PALLD: variants seen among roughly 807,000 people sequenced by gnomAD.
PALLD encodes palladin, cytoskeletal associated protein, also known as palladin.
In PALLD, 61 loss-of-function variants were observed where a neutral mutation model predicts 123.5. That is an observed-to-expected ratio of 0.49 (90% CI 0.40 to 0.61). PALLD has a LOEUF of 0.61. Among genes scored for constraint, PALLD ranks in the 20% least tolerant of loss-of-function variants. The probability of loss-of-function intolerance (pLI) is 0.00; values close to 1 mark genes in which losing one functional copy is unlikely to be tolerated. For missense variants in PALLD, 1,273 were observed against 1,377.0 expected, an observed-to-expected ratio of 0.92 and a Z score of 1.20; for synonymous variants, 465 against 496.4, an observed-to-expected ratio of 0.94 and a Z score of 0.84.
At chr4:168,672,078 C>T (rs1780336509) in intron 3 of PALLD, among the ~76,000 whole-genome samples, 1 of 152,228 alleles carries the variant, frequency 6.6e-6, no homozygotes, top group Non-Finnish European at 1.5e-5. Flanking sequence ...ATTTCATCCT[C>T]ACAAATATCA....
Position 168,688,608 on chromosome 4 carries a change from T to C in PALLD, c.1336-1995T>C, listed in dbSNP as rs145292704. Among the ~76,000 whole-genome samples, 189 of 152,366 alleles carry C rather than the reference T, an allele frequency of 1.2e-3. 1 individual carries two copies. The East Asian group carries it at 0.02, about 16-fold the overall frequency. On this transcript the variant is annotated intron_variant, in intron 6 of 21. Transcript: ENST00000505667. ...CAGTCTCCTTTGGGGCTCCTTGTTA[T>C]GTTCCCGAAGGTTCTCCTAATGGCT...
intron 8 of PALLD, among the ~76,000 whole-genome samples, chr4:168,693,017 T>G (rs565154038): frequency 1.1e-4 from 17 of 152,356 alleles, no homozygotes; most frequent in African/African-American, 4.1e-4. Context: ...TAAATTTGGA[T>G]GAGGAGGGAG....
intron 2 of PALLD, among the ~76,000 whole-genome samples, chr4:168,547,230 C>G (rs1365893089): frequency 3.9e-5 from 6 of 152,122 alleles, no homozygotes; most frequent in African/African-American, 1.4e-4. Context: ...AAGCACCCGG[C>G]CAGTGATTTA....
At chr4:168,600,046 T>TAC (rs1277444295) in intron 2 of PALLD, among the ~76,000 whole-genome samples, 2,456 of 144,246 alleles carry the variant, frequency 0.017, 195 homozygotes, top group African/African-American at 0.062. Context: ...TACATGTGTA[T>TAC]ACACACATAT....
intron 10 of PALLD, among the ~76,000 whole-genome samples, chr4:168,849,757 A>C (rs1243749398): frequency 9.4e-6 from 1 of 106,626 alleles, no homozygotes; most frequent in Non-Finnish European, 1.8e-5. Flanking sequence ...TTTAAAGCAA[A>C]AAAAAAAAAA....
chr4:168,650,730 T>C (rs1191666340), intron 2 of PALLD, among the ~76,000 whole-genome samples: 1 of 152,188 alleles, frequency 6.6e-6, no homozygotes, highest in African/African-American at 2.4e-5. Context: ...ATTTTAAATA[T>C]CTTCATTTTC....
At chr4:168,815,509 G>A (rs1741774399) in intron 10 of PALLD, among the ~76,000 whole-genome samples, 2 of 152,230 alleles carry the variant, frequency 1.3e-5, no homozygotes, top group South Asian at 4.1e-4. Flanking sequence ...ATAAAATAGG[G>A]AAATACACTT....
At chr4:168,636,457 C>T (rs906504844) in intron 2 of PALLD, among the ~76,000 whole-genome samples, 9 of 152,128 alleles carry the variant, frequency 5.9e-5, no homozygotes, top group African/African-American at 1.7e-4. Flanking sequence ...TGCCCTCTAG[C>T]CTGACTGACA....
At chr4:168,630,440 G>A (rs1188082024) in intron 2 of PALLD, among the ~76,000 whole-genome samples, 3 of 152,128 alleles carry the variant, frequency 2.0e-5, no homozygotes, top group Non-Finnish European at 2.9e-5. Context: ...ATTTAATAAG[G>A]AAGAAAAAAT....
chr4:168,904,917 C>T (rs28709545), intron 15 of PALLD, among the ~76,000 whole-genome samples: 1,726 of 151,886 alleles, frequency 0.011, 49 homozygotes, highest in African/African-American at 0.039. Flanking sequence ...GCCTCAGCCC[C>T]GGAGTTTGAG....
At chr4:168,546,234 G>A (rs1483229524) in intron 2 of PALLD, among the ~76,000 whole-genome samples, 5 of 152,128 alleles carry the variant, frequency 3.3e-5, no homozygotes, top group East Asian at 3.9e-4. Context: ...TAATGAGAGT[G>A]AGAGCAGTCA....
At chr4:168,859,697 A>G (rs1272484402) in intron 10 of PALLD, among the ~76,000 whole-genome samples, 4 of 152,174 alleles carry the variant, frequency 2.6e-5, no homozygotes, top group East Asian at 3.9e-4. Context: ...AACCTCTAGT[A>G]GGACAAACAG....
intron 2 of PALLD, among the ~76,000 whole-genome samples, chr4:168,640,009 A>C (rs1402494651): frequency 6.6e-6 from 1 of 152,220 alleles, no homozygotes; most frequent in Non-Finnish European, 1.5e-5. Flanking sequence ...CAAGTGCTCC[A>C]TGCATCTCAA....
At chr4:168,913,862 C>T in intron 15 of PALLD, 65 bp from the exon 16 acceptor site, 1 of 1,020,530 alleles carries the variant, frequency 9.8e-7, no homozygotes. Context: ...GGACAGTAGG[C>T]ATGATAGTGC....
At chr4:168,764,887 G>A (rs757358920) in intron 10 of PALLD, among the ~76,000 whole-genome samples, 2 of 152,080 alleles carry the variant, frequency 1.3e-5, no homozygotes, top group African/African-American at 4.8e-5. Context: ...CCTCCTCCTG[G>A]TCAGAGCATG....
chr4:168,868,589 C>T (rs2151069642), intron 10 of PALLD, among the ~76,000 whole-genome samples: 1 of 152,314 alleles, frequency 6.6e-6, no homozygotes, highest in East Asian at 1.9e-4. Flanking sequence ...CAGTACTTCA[C>T]AACACTTGAA....
intron 2 of PALLD, among the ~76,000 whole-genome samples, chr4:168,653,725 T>A (rs1336959772): frequency 6.6e-6 from 1 of 152,184 alleles, no homozygotes; most frequent in African/African-American, 2.4e-5. Context: ...TCTTTCTTTC[T>A]TTTTTGAGAC....
chr4:168,927,449 T>C lies in PALLD; in HGVS notation c.*1269T>C, dbSNP rs1582270119. 1 of 232,824 alleles carries C rather than the reference T, an allele frequency of 4.3e-6. No individual in the cohort carries two copies. The highest frequency in any genetic ancestry group is 8.5e-6 in the Non-Finnish European group (1 of 117,758). The allele number at this position is 232,824 out of a possible 1,614,324, so 14.4% of individuals were successfully genotyped here. ...TGCAGTGTGTCTGAGGTTTGTGTAG[T>C]AGTGGAAGATTTTAGGTATGTAGAG... On this transcript the variant is annotated 3_prime_UTR_variant, in exon 22 of 22. Transcript: ENST00000505667.
intron 8 of PALLD, among the ~76,000 whole-genome samples, chr4:168,703,313 G>A (rs1448795403): frequency 2.3e-5 from 3 of 131,640 alleles, no homozygotes; most frequent in Non-Finnish European, 4.7e-5. Context: ...TATCATTGTT[G>A]GACATTTGGG....
Sources: allele counts gnomAD v4.1 joint callset (sites outside exome capture counted in the v4.1 genomes callset), GRCh38; gene constraint gnomAD v4.1.1; transcripts MANE v1.5; gene names NCBI Gene and HGNC (gene_info 2026-07-23, HGNC 2026-07-21).